WDR27: variants seen among roughly 807,000 people sequenced by gnomAD.
WDR27 encodes WD repeat domain 27, also known as WD repeat-containing protein 27.
A neutral mutation model predicts 114.4 loss-of-function variants in WDR27; 100 were observed. The observed-to-expected ratio is 0.87, with a 90% CI of 0.74 to 1.03. The LOEUF is 1.03. WDR27 is among the 50% of genes least tolerant of loss of function. The pLI, the probability that WDR27 is intolerant of heterozygous loss-of-function variation, is 0.00. For synonymous variants in WDR27, 449 were observed against 423.1 expected (o/e 1.06, Z -0.75); for missense variants, 1,129 against 1,092.9 (o/e 1.03, Z -0.47).
At chr6:169,672,054 C>T in intron 3 of WDR27, 1 of 482,014 alleles carries the variant, frequency 2.1e-6, no homozygotes, top group African/African-American at 1.9e-5. Flanking sequence ...GTCCGTAAGT[C>T]TGAATGGCCT....
chr6:169,512,113 AAAGAG>A (rs1167350605), intron 25 of WDR27, among the ~76,000 whole-genome samples: 2 of 152,196 alleles, frequency 1.3e-5, no homozygotes, highest in Non-Finnish European at 2.9e-5. Flanking sequence ...TTCAAATAGA[AAAGAG>A]AAGTCAAACT....
At position 169,644,826 on chromosome 6, in the gene WDR27, G is replaced by A. The variant is rs1399329816; in HGVS notation, c.1658-1040C>T. 3.5e-4 allele frequency among the ~76,000 whole-genome samples: 25 copies of A among 70,482 alleles called. 5 individuals carry two copies. Among genetic ancestry groups the A allele is most frequent in the Admixed American group, 3.3e-3 (20 of 6,062 alleles). 46.2% of individuals were successfully genotyped at this position (70,482 alleles called of 152,430 possible). On this transcript the variant is annotated intron_variant, in intron 16 of 25. Transcript: ENST00000448612. ...AGATCGAGACCATCCCGGCTAAAACGGTGAAACCCCGTCTCTACTAAAAAT... is the reference window on the plus strand; with the variant it reads ...AGATCGAGACCATCCCGGCTAAAACAGTGAAACCCCGTCTCTACTAAAAAT...
chr6:169,443,749 G>A, the WDR27 span, among the ~76,000 whole-genome samples: 2 of 152,260 alleles, frequency 1.3e-5, no homozygotes, highest in Non-Finnish European at 2.9e-5. Flanking sequence ...ACATGAAGGT[G>A]GTTCCTAGCA....
intron 21 of WDR27, among the ~76,000 whole-genome samples, chr6:169,622,086 A>C (rs969099589): frequency 6.6e-6 from 1 of 152,196 alleles, no homozygotes; most frequent in Non-Finnish European, 1.5e-5. Flanking sequence ...AAGACTCATC[A>C]GAAACTCAAA....
At chr6:169,661,372 A>C (rs951446048) in intron 9 of WDR27, among the ~76,000 whole-genome samples, 2 of 152,192 alleles carry the variant, frequency 1.3e-5, no homozygotes, top group Non-Finnish European at 2.9e-5. Context: ...GGCAGAGTTA[A>C]TACCAATGCC....
Position 169,665,416 on chromosome 6 carries a change from A to C in WDR27, c.783+70T>G. On this transcript the variant is annotated intron_variant, in intron 7 of 25. Coordinates refer to ENST00000448612, the MANE Select transcript of WDR27 (RefSeq NM_182552.5). ...GAAAATACAAAGTAGCATGAAGACA[A>C]AGACCTTTGTGTACAAGCTCACGTT... is the stretch of plus-strand genomic sequence containing the variant. 5 of 1,553,748 alleles carry C rather than the reference A, an allele frequency of 3.2e-6. No individual in the cohort carries two copies. In the South Asian group the frequency reaches 6.1e-5, roughly 19 times the overall value.
chr6:169,450,699 G>A, the WDR27 span, among the ~76,000 whole-genome samples: 2 of 152,142 alleles, frequency 1.3e-5, no homozygotes, highest in African/African-American at 2.4e-5. Flanking sequence ...AGTGAGTCTA[G>A]AGACTTCATA....
At chr6:169,627,241 A>C (rs1442792046) in intron 21 of WDR27, among the ~76,000 whole-genome samples, 2 of 152,252 alleles carry the variant, frequency 1.3e-5, no homozygotes, top group African/African-American at 4.8e-5. Context: ...AATGTATTAC[A>C]ATCAAACTAA....
At chr6:169,504,122 G>A (rs1791703996) in intron 25 of WDR27, among the ~76,000 whole-genome samples, 1 of 151,924 alleles carries the variant, frequency 6.6e-6, no homozygotes, top group Non-Finnish European at 1.5e-5. Flanking sequence ...AAACAAATGT[G>A]GTAAAATATT....
intron 25 of WDR27, among the ~76,000 whole-genome samples, chr6:169,501,994 C>T (rs1371974454): frequency 6.6e-6 from 1 of 152,232 alleles, no homozygotes; most frequent in Admixed American, 6.5e-5. Context: ...TGGGCCGGAT[C>T]GCTCCAGTGT....
intron 1 of WDR27, among the ~76,000 whole-genome samples, chr6:169,698,302 G>A (rs909928694): frequency 7.2e-6 from 1 of 139,338 alleles, no homozygotes; most frequent in Admixed American, 7.8e-5. Context: ...CAGTGTACTC[G>A]GCTTTAATGC....
At chr6:169,652,947 T>C (rs78499280) in intron 13 of WDR27, among the ~76,000 whole-genome samples, 5,686 of 151,170 alleles carry the variant, frequency 0.038, 129 homozygotes, top group Middle Eastern at 0.11. Context: ...AAATGAAGCG[T>C]ATGTAAGAAG....
the WDR27 span, among the ~76,000 whole-genome samples, chr6:169,444,676 T>A: frequency 1.3e-5 from 2 of 151,930 alleles, no homozygotes; most frequent in African/African-American, 4.8e-5. Flanking sequence ...TTTGTTTTTT[T>A]TTTTTTCGTC....
intron 21 of WDR27, among the ~76,000 whole-genome samples, chr6:169,630,720 T>C (rs1029596513): frequency 1.3e-5 from 2 of 151,826 alleles, no homozygotes; most frequent in South Asian, 2.1e-4. Flanking sequence ...ATGGTGAAAC[T>C]CCATCTCTAC....
intron 23 of WDR27, among the ~76,000 whole-genome samples, chr6:169,585,481 G>A (rs1804360510): frequency 6.6e-6 from 1 of 152,122 alleles, no homozygotes; most frequent in African/African-American, 2.4e-5. Context: ...ATGGTGGCTA[G>A]AGGTGCTGGC....
chr6:169,516,065 A>G (rs1014576808), intron 25 of WDR27, among the ~76,000 whole-genome samples: 4 of 152,182 alleles, frequency 2.6e-5, no homozygotes, highest in Non-Finnish European at 5.9e-5. Flanking sequence ...GTAGAAAAAT[A>G]AGAAATTCCA....
intron 25 of WDR27, among the ~76,000 whole-genome samples, chr6:169,479,293 T>G (rs1787617709): frequency 6.6e-6 from 1 of 152,116 alleles, no homozygotes; most frequent in African/African-American, 2.4e-5. Context: ...GAAATGTTCA[T>G]TATCAGAAAT....
rs1819807594 is a variant in WDR27 at position 169,643,923 on chromosome 6, T to G, written c.1658-137A>C. On this transcript the variant is annotated intron_variant, in intron 16 of 25. Transcript: ENST00000448612. ...CAAGTCACACTGTAGAAAAGCCTAGTTCACAAGAGTCACACTGTAGAAAAG... is the reference window on the plus strand; with the variant it reads ...CAAGTCACACTGTAGAAAAGCCTAGGTCACAAGAGTCACACTGTAGAAAAG... 26 of 643,712 alleles carry G rather than the reference T, an allele frequency of 4.0e-5. 1 individual carries two copies. In the South Asian group the frequency reaches 5.7e-4, roughly 14 times the overall value. The allele number at this position is 643,712 out of a possible 1,614,324, so 39.9% of individuals were successfully genotyped here.
At chr6:169,427,814 A>C in the WDR27 span, among the ~76,000 whole-genome samples, 1 of 151,734 alleles carries the variant, frequency 6.6e-6, no homozygotes, top group Non-Finnish European at 1.5e-5. Context: ...ACAACCAAAA[A>C]AAAAAAAAAA....
Sources: allele counts gnomAD v4.1 joint callset (sites outside exome capture counted in the v4.1 genomes callset), GRCh38; gene constraint gnomAD v4.1.1; transcripts MANE v1.5; gene names NCBI Gene and HGNC (gene_info 2026-07-23, HGNC 2026-07-21).